Variants in GAS7 observed in about 807,000 individuals in gnomAD.
GAS7 encodes the protein growth arrest-specific protein 7.
Under a neutral mutation model 71.1 loss-of-function variants are expected in GAS7, and 28 were observed. That is an observed-to-expected ratio of 0.39 (90% CI 0.29 to 0.54). The LOEUF is 0.54. Ranked by LOEUF, GAS7 falls within the 20% of genes least tolerant of loss-of-function variation. The pLI, the probability that GAS7 is intolerant of heterozygous loss-of-function variation, is 0.62. For missense variants in GAS7, 436 were observed against 627.8 expected (o/e 0.69, Z 3.27); for synonymous variants, 258 against 245.8 (o/e 1.05, Z -0.46).
At chr17:10,022,943 G>C (rs998924144) in intron 1 of GAS7, among the ~76,000 whole-genome samples, 1 of 152,204 alleles carries the variant, frequency 6.6e-6, no homozygotes, top group African/African-American at 2.4e-5. Context: ...CTCCTTACAG[G>C]AGCTGGAGAG....
chr17:10,135,489 G>T (rs943000043), intron 1 of GAS7, among the ~76,000 whole-genome samples: 7 of 152,212 alleles, frequency 4.6e-5, no homozygotes, highest in Non-Finnish European at 7.3e-5. Flanking sequence ...GAGCCCGCCC[G>T]AGAGATTTCT....
chr17:10,099,476 C>T (rs1006958475), intron 1 of GAS7, among the ~76,000 whole-genome samples: 6 of 152,184 alleles, frequency 3.9e-5, no homozygotes, highest in African/African-American at 1.4e-4. Context: ...ATCTTTCCAC[C>T]GCCCTGGAGT....
chr17:10,049,183 G>T (rs1296287266), intron 1 of GAS7, among the ~76,000 whole-genome samples: 1 of 152,208 alleles, frequency 6.6e-6, no homozygotes, highest in Non-Finnish European at 1.5e-5. Flanking sequence ...GCAACACTGT[G>T]CTATGTAAGG....
At chr17:10,117,512 C>T (rs571320181) in intron 1 of GAS7, among the ~76,000 whole-genome samples, 6 of 152,264 alleles carry the variant, frequency 3.9e-5, no homozygotes, top group South Asian at 4.1e-4. Context: ...AGAAACACCA[C>T]GGAAGGCGGA....
intron 1 of GAS7, among the ~76,000 whole-genome samples, chr17:10,068,435 T>G (rs1422935189): frequency 6.6e-6 from 1 of 152,078 alleles, no homozygotes; most frequent in African/African-American, 2.4e-5. Context: ...GAAGGACTCA[T>G]GGGACTCAGC....
At chr17:10,030,685 C>T (rs765484927) in intron 1 of GAS7, among the ~76,000 whole-genome samples, 2 of 152,232 alleles carry the variant, frequency 1.3e-5, no homozygotes, top group Non-Finnish European at 2.9e-5. Flanking sequence ...AGAAACTTCT[C>T]AAATGAGGCT....
chr17:9,931,334 G>A (rs2152079768), intron 9 of GAS7, among the ~76,000 whole-genome samples: 1 of 152,318 alleles, frequency 6.6e-6, no homozygotes, highest in South Asian at 2.1e-4. Flanking sequence ...CCACGTCGGA[G>A]AGAGTTTTGC....
chr17:10,173,019 T>C (rs1343562341), intron 1 of GAS7, among the ~76,000 whole-genome samples: 1 of 152,222 alleles, frequency 6.6e-6, no homozygotes, highest in East Asian at 1.9e-4. Flanking sequence ...GAAGTACTGA[T>C]ACACGTCACT....
rs1168181622 is a variant in GAS7 at position 9,917,326 on chromosome 17, C to A, written c.1333G>T (p.Asp445Tyr). The A allele has an allele frequency of 6.2e-7, 1 of 1,613,240 alleles. No homozygotes were observed. The highest frequency in any genetic ancestry group is 8.5e-7 in the Non-Finnish European group (1 of 1,179,242). ...GGGTCCACTTTTCGAAGCAGCTGAT[C>A]CACGGGCTCGACTGTCTGCAAGAGA... ...MFNQSTVEPV[D>Y]QLLRKVDPAK... Residue 445 changes from aspartate (D) to tyrosine (Y), a missense_variant, in exon 14 of 14, where the codon GAT becomes TAT. Coordinates refer to ENST00000432992, the MANE Select transcript of GAS7 (RefSeq NM_201433.2).
Position 9,978,146 on chromosome 17 carries a change from C to T in GAS7, c.385+3658G>A, listed in dbSNP as rs371236277. Among the ~76,000 whole-genome samples, 6 of 151,976 alleles carry T rather than the reference C, an allele frequency of 3.9e-5. No homozygotes were observed. In the East Asian group the frequency reaches 5.8e-4, roughly 15 times the overall value. Reference sequence around the variant, plus strand: ...AGAGAATCCCTCGAGCCCAGGAGGTCAAGGCTGCAGTGAGCCATGATCACA... The same window carrying T: ...AGAGAATCCCTCGAGCCCAGGAGGTTAAGGCTGCAGTGAGCCATGATCACA... On this transcript the variant is annotated intron_variant, in intron 3 of 13. Transcript: ENST00000432992.
At chr17:10,151,436 AT>A (rs1344439307) in intron 1 of GAS7, among the ~76,000 whole-genome samples, 1 of 150,290 alleles carries the variant, frequency 6.7e-6, no homozygotes, top group Middle Eastern at 3.2e-3. Flanking sequence ...TCACATGTTC[AT>A]TTTTCTTGGT....
intron 5 of GAS7, among the ~76,000 whole-genome samples, chr17:9,947,383 G>A (rs948003116): frequency 1.3e-5 from 2 of 152,310 alleles, no homozygotes; most frequent in South Asian, 2.1e-4. Context: ...TGGGGGAATG[G>A]TTAAACAAAG....
intron 1 of GAS7, among the ~76,000 whole-genome samples, chr17:10,083,237 C>G (rs1465532891): frequency 2.0e-5 from 3 of 152,186 alleles, no homozygotes; most frequent in Non-Finnish European, 2.9e-5. Context: ...AAAAATTAAA[C>G]AGACTTTAGG....
At chr17:9,950,793 T>C (rs1435775774) in intron 5 of GAS7, among the ~76,000 whole-genome samples, 1 of 150,984 alleles carries the variant, frequency 6.6e-6, no homozygotes, top group African/African-American at 2.4e-5. Context: ...GAGGTGGAGG[T>C]TGCAGTGAGC....
At chr17:9,992,471 A>T (rs370948797) in intron 2 of GAS7, among the ~76,000 whole-genome samples, 1 of 152,164 alleles carries the variant, frequency 6.6e-6, no homozygotes, top group East Asian at 1.9e-4. Context: ...CCCGGAGGGA[A>T]AAGGTTCCGG....
chr17:10,154,944 AC>A (rs1567612980), intron 1 of GAS7, among the ~76,000 whole-genome samples: 13 of 151,552 alleles, frequency 8.6e-5, no homozygotes, highest in African/African-American at 2.4e-4. Flanking sequence ...ACACACACAC[AC>A]ACACACACAC....
At chr17:10,118,389 C>A (rs1172385036) in intron 1 of GAS7, among the ~76,000 whole-genome samples, 2 of 152,150 alleles carry the variant, frequency 1.3e-5, no homozygotes, top group African/African-American at 2.4e-5. Context: ...GCCCTGGGGG[C>A]CCTCACTGCC....
intron 1 of GAS7, among the ~76,000 whole-genome samples, chr17:10,147,340 G>A (rs1231553408): frequency 6.6e-6 from 1 of 152,162 alleles, no homozygotes; most frequent in Non-Finnish European, 1.5e-5. Context: ...GCAGAGGGTG[G>A]CGTGTATGTG....
At chr17:10,198,092 C>T (rs555403691) in intron 1 of GAS7, 116 bp downstream of exon 1, 1 of 976,178 alleles carries the variant, frequency 1.0e-6, no homozygotes, top group South Asian at 1.5e-5. Context: ...CAAGGGCTGC[C>T]CCCCGGGGCG....
Sources: allele counts gnomAD v4.1 joint callset (sites outside exome capture counted in the v4.1 genomes callset), GRCh38; gene constraint gnomAD v4.1.1; transcripts MANE v1.5; gene names NCBI Gene and HGNC (gene_info 2026-07-23, HGNC 2026-07-21).